Variants in TAFA2 observed in about 807,000 individuals in gnomAD.
The protein encoded by TAFA2 is chemokine-like protein TAFA-2.
TAFA2 carries 7 observed loss-of-function variants against 18.8 expected under a neutral mutation model. The observed-to-expected ratio is 0.37, with a 90% CI of 0.21 to 0.70. The LOEUF (loss-of-function observed/expected upper bound fraction) is 0.70, where lower values mean the gene tolerates loss of function less well. TAFA2 is among the 30% of genes least tolerant of loss of function. TAFA2 has a pLI of 0.53. For missense variants in TAFA2, 122 were observed against 158.1 expected (o/e 0.77, Z 1.23); for synonymous variants, 60 against 54.2 (o/e 1.11, Z -0.47).
At chr12:62,007,671 A>G (rs969356153) in intron 1 of TAFA2, among the ~76,000 whole-genome samples, 2 of 152,154 alleles carry the variant, frequency 1.3e-5, no homozygotes, top group Non-Finnish European at 2.9e-5. Flanking sequence ...TGCTAGTACT[A>G]CACTTTCAGA....
At chr12:61,888,962 A>T (rs1875510553) in intron 1 of TAFA2, among the ~76,000 whole-genome samples, 1 of 152,132 alleles carries the variant, frequency 6.6e-6, no homozygotes, top group Non-Finnish European at 1.5e-5. Flanking sequence ...TCTCCATTGG[A>T]GGCTAAACTC....
intron 1 of TAFA2, among the ~76,000 whole-genome samples, chr12:62,009,486 C>G (rs562177554): frequency 6.6e-6 from 1 of 152,048 alleles, no homozygotes; most frequent in South Asian, 2.1e-4. Context: ...AGATGATTTC[C>G]GATTTGTGTT....
rs116875011 is a variant in TAFA2, at chr12:61,910,174, C to T, written c.-1-42748G>A. On this transcript the variant is annotated intron_variant, in intron 1 of 4. Transcript: ENST00000416284. ...GGTTATGCTAATCCATCTAACCTCC[C>T]TCTTTCAGCTACTCAGGACACAGGC... Among the ~76,000 whole-genome samples, 54 of 151,792 alleles carry T rather than the reference C, an allele frequency of 3.6e-4. No individual in the cohort carries two copies. In the East Asian group the frequency reaches 9.9e-3, roughly 28 times the overall value.
At chr12:62,172,245 C>T (rs533522573) in intron 1 of TAFA2, among the ~76,000 whole-genome samples, 31 of 152,204 alleles carry the variant, frequency 2.0e-4, no homozygotes, top group African/African-American at 7.5e-4. Flanking sequence ...CTTCCTTCCT[C>T]CCTTCCTTCA....
chr12:61,966,748 C>T (rs1250873041), intron 1 of TAFA2, among the ~76,000 whole-genome samples: 2 of 151,878 alleles, frequency 1.3e-5, no homozygotes, highest in East Asian at 1.9e-4. Context: ...TGATGTAATT[C>T]CATCTCAAGG....
chr12:61,976,680 C>T (rs1237431027), intron 1 of TAFA2, among the ~76,000 whole-genome samples: 2 of 151,940 alleles, frequency 1.3e-5, no homozygotes, highest in Admixed American at 6.6e-5. Flanking sequence ...TGCTATCCCT[C>T]TCCCTACCCC....
At chr12:62,031,359 C>A (rs896769808) in intron 1 of TAFA2, among the ~76,000 whole-genome samples, 5 of 152,124 alleles carry the variant, frequency 3.3e-5, no homozygotes, top group African/African-American at 1.2e-4. Context: ...GCTTCCTGCC[C>A]TGGAACATAA....
chr12:61,919,059 T>C (rs1370909313), intron 1 of TAFA2, among the ~76,000 whole-genome samples: 1 of 152,214 alleles, frequency 6.6e-6, no homozygotes, highest in Non-Finnish European at 1.5e-5. Flanking sequence ...CTGCCAACAG[T>C]GGCCTGTTAA....
chr12:62,085,668 C>A (rs754090941), intron 1 of TAFA2, among the ~76,000 whole-genome samples: 1 of 152,074 alleles, frequency 6.6e-6, no homozygotes, highest in Non-Finnish European at 1.5e-5. Flanking sequence ...GCAAATATTT[C>A]ATTGGAATTA....
At chr12:61,999,263 A>T (rs12229456) in intron 1 of TAFA2, among the ~76,000 whole-genome samples, 20,703 of 152,202 alleles carry the variant, frequency 0.14, 1,840 homozygotes, top group East Asian at 0.37. Context: ...CGCTTCATGC[A>T]ATAGCCTCAG....
intron 1 of TAFA2, among the ~76,000 whole-genome samples, chr12:62,012,781 ACACACT>A (rs1880813554): frequency 1.3e-5 from 2 of 152,354 alleles, no homozygotes; most frequent in African/African-American, 4.8e-5. Context: ...TCCACAAATA[ACACACT>A]CAGAAGAAAA....
At chr12:61,752,532 G>C (rs1869066220) in intron 4 of TAFA2, among the ~76,000 whole-genome samples, 1 of 151,942 alleles carries the variant, frequency 6.6e-6, no homozygotes, top group South Asian at 2.1e-4. Context: ...CTAACTAATT[G>C]ATCATGCATC....
intron 1 of TAFA2, among the ~76,000 whole-genome samples, chr12:61,868,228 A>G (rs948615949): frequency 2.6e-5 from 4 of 152,168 alleles, no homozygotes; most frequent in Admixed American, 6.5e-5. Flanking sequence ...GCCTGTAGGT[A>G]TATCCATCCC....
rs1209663378 is a variant in TAFA2, at chr12:62,032,006, T to C, written c.-2+159253A>G. On this transcript the variant is annotated intron_variant, in intron 1 of 4. Coordinates refer to ENST00000416284, the MANE Select transcript of TAFA2 (RefSeq NM_178539.5). The stretch of plus-strand genomic sequence containing the variant: ...GCAAAGATTTTAACAAGGCCCTGCT[T>C]GCCTCCTATTATCAGACTGGGGAAA... Among the ~76,000 whole-genome samples, 5 of 152,212 alleles carry C rather than the reference T, an allele frequency of 3.3e-5. 1 individual carries two copies. Among genetic ancestry groups the C allele is most frequent in the Non-Finnish European group, 7.3e-5 (5 of 68,046 alleles).
Position 62,051,743 on chromosome 12 carries a change from A to G in TAFA2, c.-2+139516T>C, listed in dbSNP as rs560249912. Among the ~76,000 whole-genome samples the G allele has an allele frequency of 5.6e-4, 85 of 151,870 alleles. 1 individual carries two copies. Among genetic ancestry groups the G allele is most frequent in the African/African-American group, 2.0e-3 (83 of 41,504 alleles). On this transcript the variant is annotated intron_variant, in intron 1 of 4. Transcript: ENST00000416284. ...GACAGGTGTGCATAGTGCCTGATTCACTGGGGGCACTAAGTAAATGGATTA... is the reference window on the plus strand; with the variant it reads ...GACAGGTGTGCATAGTGCCTGATTCGCTGGGGGCACTAAGTAAATGGATTA...
At chr12:61,987,784 C>T (rs949339404) in intron 1 of TAFA2, among the ~76,000 whole-genome samples, 2 of 152,066 alleles carry the variant, frequency 1.3e-5, no homozygotes, top group African/African-American at 4.8e-5. Context: ...AGGAAGTGAA[C>T]GGATGTTACG....
At chr12:61,988,092 A>G (rs1879877045) in intron 1 of TAFA2, among the ~76,000 whole-genome samples, 1 of 152,180 alleles carries the variant, frequency 6.6e-6, no homozygotes, top group African/African-American at 2.4e-5. Context: ...TTTGAGAGTT[A>G]TCACAGGAAT....
intron 4 of TAFA2, among the ~76,000 whole-genome samples, chr12:61,731,029 C>T (rs868359794): frequency 6.6e-6 from 1 of 152,154 alleles, no homozygotes; most frequent in Admixed American, 6.5e-5. Context: ...TCCCCAATTC[C>T]ATTGACTGCC....
rs868793161 is a variant in TAFA2, at chr12:61,844,542, G to A, written c.106+22778C>T. ...GGTCTTAGTTATTTAGGCTAAAATGGATCATTTTTATAGGAATTAGGTTTT... is the reference window on the plus strand; with the variant it reads ...GGTCTTAGTTATTTAGGCTAAAATGAATCATTTTTATAGGAATTAGGTTTT... On this transcript the variant is annotated intron_variant, in intron 2 of 4. Coordinates refer to ENST00000416284, the MANE Select transcript of TAFA2 (RefSeq NM_178539.5). Among the ~76,000 whole-genome samples, 2 of 152,012 alleles carry A rather than the reference G, an allele frequency of 1.3e-5. 1 individual carries two copies. The highest frequency in any genetic ancestry group is 4.1e-4 in the South Asian group (2 of 4,826).
Sources: gnomAD v4.1 joint callset for allele counts (sites outside exome capture counted in the v4.1 genomes callset) on GRCh38, gnomAD v4.1.1 for gene constraint, MANE v1.5 for transcripts, NCBI Gene and HGNC (gene_info 2026-07-23, HGNC 2026-07-21) for gene names.